Variants in FBXO31 observed in about 807,000 individuals in gnomAD.
The protein encoded by FBXO31 is F-box only protein 31.
FBXO31 carries 24 observed loss-of-function variants against 54.4 expected under a neutral mutation model. That is an observed-to-expected ratio of 0.44 (90% CI 0.32 to 0.62). The LOEUF (loss-of-function observed/expected upper bound fraction) is 0.62, where lower values mean the gene tolerates loss of function less well. Ranked by LOEUF, FBXO31 falls within the 20% of genes least tolerant of loss-of-function variation. The pLI, the probability that FBXO31 is intolerant of heterozygous loss-of-function variation, is 0.05. For synonymous variants in FBXO31, 388 were observed against 335.6 expected, an observed-to-expected ratio of 1.16 and a Z score of -1.71; for missense variants, 665 against 787.1, an observed-to-expected ratio of 0.84 and a Z score of 1.86.
Position 87,343,740 on chromosome 16 carries a change from C to T in FBXO31, c.515G>A (p.Trp172Ter). 1 of 1,614,232 alleles carries T rather than the reference C, an allele frequency of 6.2e-7. No individual in the cohort carries two copies. The highest frequency in any genetic ancestry group is 2.2e-5 in the East Asian group (1 of 44,882). Residue 172 changes from tryptophan (W) to a stop codon, truncating the protein, a stop_gained, in exon 4 of 9, where the codon TGG becomes TAG. Coordinates refer to ENST00000311635, the MANE Select transcript of FBXO31 (RefSeq NM_024735.5). LOFTEE classifies it high-confidence loss of function. Reference sequence around the variant, plus strand: ...GGGGTCATGGGGAGGCAGGTACATCCACCCGATGATGAACAGGCCGTCCAC... The same window carrying T: ...GGGGTCATGGGGAGGCAGGTACATCTACCCGATGATGAACAGGCCGTCCAC... ...VVVDGLFIIG[W>*]MYLPPHDPHV... is the part of the protein sequence containing the mutation.
Position 87,383,433 on chromosome 16 carries a change from G to A in FBXO31, c.312C>T (p.Asp104=). 6.3e-7 allele frequency: 1 copy of A among 1,581,278 alleles called. No individual in the cohort carries two copies. The highest frequency in any genetic ancestry group is 1.2e-5 in the South Asian group (1 of 86,594). ...CACGGCAACGCCTCCTCCAGATGGT[G>A]TCGGTGTGGAGGATGCGCCGGAACT... ...CTKFRRILHT[D]TIWRRRCREE... is the part of the protein sequence containing the mutation. The change falls in exon 1 of 9, where the codon GAC becomes GAT. Residue 104 remains aspartate (D), a synonymous_variant. Coordinates refer to ENST00000311635, the MANE Select transcript of FBXO31 (RefSeq NM_024735.5). This position sits in a 1 kb window ranked among gnomAD's most constrained non-coding sequence, Gnocchi z 4.9.
rs1278849452 is a variant in FBXO31 at position 87,338,662 on chromosome 16, G to A, written c.733-2398C>T. ...GTGACGCAGCCTGGGTACAAGGAAT[G>A]GCCTCCCGGGGTGGGGGTGACCCAC... On this transcript the variant is annotated intron_variant, in intron 5 of 8. Coordinates refer to ENST00000311635, the MANE Select transcript of FBXO31 (RefSeq NM_024735.5). This position sits in a 1 kb window ranked among gnomAD's most constrained non-coding sequence, Gnocchi z 4.3. Among the ~76,000 whole-genome samples the A allele has an allele frequency of 6.6e-6, 1 of 152,154 alleles. No homozygotes were observed. Among genetic ancestry groups the A allele is most frequent in the Middle Eastern group, 3.2e-3 (1 of 316 alleles).
chr16:87,349,908 CAAA>C (rs11305127), intron 2 of FBXO31, among the ~76,000 whole-genome samples: 4 of 143,008 alleles, frequency 2.8e-5, no homozygotes, highest in Non-Finnish European at 4.5e-5. Flanking sequence ...GACCCTATCT[CAAA>C]AAAAAAAAAA....
chr16:87,361,161 T>C (rs1906114773), intron 1 of FBXO31, among the ~76,000 whole-genome samples: 2 of 152,202 alleles, frequency 1.3e-5, no homozygotes, highest in South Asian at 4.1e-4. Flanking sequence ...ACACCTGCAT[T>C]GAGCTTTCCA....
chr16:87,357,213 C>G (rs963877976), intron 2 of FBXO31, among the ~76,000 whole-genome samples: 4 of 151,828 alleles, frequency 2.6e-5, no homozygotes, highest in African/African-American at 9.7e-5. Context: ...CCACTGCACT[C>G]CAACCTGGGC....
At chr16:87,334,572 A>C (rs114616056) in intron 7 of FBXO31, among the ~76,000 whole-genome samples, 3,914 of 152,352 alleles carry the variant, frequency 0.026, 166 homozygotes, top group African/African-American at 0.089. Context: ...GGGGCAGCCC[A>C]CATCTGTCTG....
Position 87,358,596 on chromosome 16 carries a change from A to T in FBXO31, c.412+1699T>A, listed in dbSNP as rs990670587. On this transcript the variant is annotated intron_variant, in intron 2 of 8. Coordinates refer to ENST00000311635, the MANE Select transcript of FBXO31 (RefSeq NM_024735.5). The surrounding 1 kb of genome is among the most constrained non-coding windows in gnomAD (Gnocchi z 4.0). ...CCAATGCCTGCCCCTCACCAGTGTG[A>T]TACAATCCCCTCGTGTTTATGCAGC... 2.6e-5 allele frequency: 4 copies of T among 152,612 alleles called. No individual in the cohort carries two copies. The highest frequency in any genetic ancestry group is 5.9e-5 in the Non-Finnish European group (4 of 68,122). The allele number at this position is 152,612 out of a possible 1,614,324, so 9.5% of individuals were successfully genotyped here.
intron 8 of FBXO31, 38 bp from the exon 9 acceptor site, chr16:87,331,548 G>C (rs1472203308): frequency 3.9e-6 from 6 of 1,536,226 alleles, no homozygotes; most frequent in Admixed American, 1.8e-5. Context: ...AGCTGGGGGA[G>C]GGCTGAGTCA....
rs571005131 is a variant in FBXO31 at position 87,328,354 on chromosome 16, G to C, written c.*2934C>G. On this transcript the variant is annotated 3_prime_UTR_variant, in exon 9 of 9. Coordinates refer to ENST00000311635, the MANE Select transcript of FBXO31 (RefSeq NM_024735.5). ...CCTCGTGTGCCAGGTGGGCTTGCTA[G>C]GGGCACAGGTGCCCAGTGTCAGGGC... 1 of 152,696 alleles carries C rather than the reference G, an allele frequency of 6.5e-6. No individual in the cohort carries two copies. Among genetic ancestry groups the C allele is most frequent in the East Asian group, 1.9e-4 (1 of 5,196 alleles). 9.5% of individuals were successfully genotyped at this position (152,696 alleles called of 1,614,324 possible).
rs567117717 is a variant in FBXO31 at position 87,346,050 on chromosome 16, G to A, written c.489+1124C>T. 1.9e-4 allele frequency among the ~76,000 whole-genome samples: 29 copies of A among 152,252 alleles called. No homozygotes were observed. Among genetic ancestry groups the A allele is most frequent in the African/African-American group, 4.6e-4 (19 of 41,550 alleles). Reference sequence around the variant, plus strand: ...GAGAGGAGAAGGGGCCAAGCGAAGCGTGACTCACAAAGCCAGGAAGAGAAA... The same window carrying A: ...GAGAGGAGAAGGGGCCAAGCGAAGCATGACTCACAAAGCCAGGAAGAGAAA... On this transcript the variant is annotated intron_variant, in intron 3 of 8. Transcript: ENST00000311635. This position sits in a 1 kb window ranked among gnomAD's most constrained non-coding sequence, Gnocchi z 4.2.
Position 87,335,255 on chromosome 16 carries a change from T to G in FBXO31, c.996+49A>C, listed in dbSNP as rs1905008534. 2.5e-6 allele frequency: 4 copies of G among 1,607,224 alleles called. No homozygotes were observed. Among genetic ancestry groups the G allele is most frequent in the Admixed American group, 1.7e-5 (1 of 59,984 alleles). On this transcript the variant is annotated intron_variant, in intron 7 of 8. Transcript: ENST00000311635. The surrounding 1 kb of genome is among the most constrained non-coding windows in gnomAD (Gnocchi z 5.7). Reference sequence around the variant, plus strand: ...AAGTTCCCTGACTCCACAGCCCACTTGGGCCAGGTGCCCCCAGAGCCCCAC... The same window carrying G: ...AAGTTCCCTGACTCCACAGCCCACTGGGGCCAGGTGCCCCCAGAGCCCCAC...
In FBXO31 at chr16:87,331,358, C is replaced by T. The variant is rs562622781; in HGVS notation, c.1550G>A (p.Arg517Gln). ...CTGTGGGGACGGCGCATCTGCGTTC[C>T]GGAAGGTGGCCTGGACCCGGCTGTA... ...SLYSRVQATF[R>Q]NADAPSPQAF... The change falls in exon 9 of 9, where the codon CGG (arginine) becomes CAG (glutamine). Residue 517 changes from arginine (R) to glutamine (Q), a missense_variant. This residue lies in a region of FBXO31 where 71 missense variants were observed against 105.8 expected (regional missense o/e 0.67). Transcript: ENST00000311635. 3.4e-5 allele frequency: 55 copies of T among 1,613,984 alleles called. 1 individual carries two copies. Among genetic ancestry groups the T allele is most frequent in the Non-Finnish European group, 4.0e-5 (47 of 1,180,026 alleles).
chr16:87,349,382 G>A (rs571049251), intron 2 of FBXO31, among the ~76,000 whole-genome samples: 11 of 152,342 alleles, frequency 7.2e-5, no homozygotes, highest in Non-Finnish European at 1.2e-4. Flanking sequence ...TGTGGAACAC[G>A]TTGGGGCAGA....
At chr16:87,332,872 G>A (rs1162408193) in intron 8 of FBXO31, among the ~76,000 whole-genome samples, 1 of 152,214 alleles carries the variant, frequency 6.6e-6, no homozygotes. Context: ...GACAATGGCA[G>A]AATGACTTTG....
upstream of FBXO31, chr16:87,392,056 G>A (rs1209378762): frequency 9.7e-6 from 2 of 205,282 alleles, no homozygotes; most frequent in African/African-American, 2.3e-5. Context: ...CACAGACCCG[G>A]GGTGCGGCCC....
chr16:87,366,385 T>A (rs1315832262), intron 1 of FBXO31, among the ~76,000 whole-genome samples: 1 of 152,128 alleles, frequency 6.6e-6, no homozygotes, highest in Non-Finnish European at 1.5e-5. Flanking sequence ...ATGCTCCTTA[T>A]CATAAAACAC....
chr16:87,384,072 G>C (rs1046613358), upstream of FBXO31: 1 of 167,100 alleles, frequency 6.0e-6, no homozygotes, highest in African/African-American at 2.4e-5. Context: ...AGACTGACGC[G>C]CTGCCTACTG....
chr16:87,342,444 C>T (rs1370098358), intron 5 of FBXO31, among the ~76,000 whole-genome samples: 1 of 152,204 alleles, frequency 6.6e-6, no homozygotes, highest in Non-Finnish European at 1.5e-5. Context: ...CAAACAATCA[C>T]ACACAGGCTT....
chr16:87,368,702 C>A (rs143899204), intron 1 of FBXO31, among the ~76,000 whole-genome samples: 15 of 148,718 alleles, frequency 1.0e-4, no homozygotes, highest in African/African-American at 2.5e-4. Flanking sequence ...GAAAGAGGAA[C>A]AGATAACCTC....
Sources: allele counts gnomAD v4.1 joint callset (sites outside exome capture counted in the v4.1 genomes callset), GRCh38; gene constraint gnomAD v4.1.1; regional missense constraint gnomAD v4.1.1; non-coding constraint Gnocchi (gnomAD v3.1); transcripts MANE v1.5; gene names NCBI Gene and HGNC (gene_info 2026-07-23, HGNC 2026-07-21).